Variants in CRABP1 observed in about 807,000 individuals in gnomAD.
CRABP1 encodes cellular retinoic acid binding protein 1, also known as cellular retinoic acid-binding protein 1.
In CRABP1, 9 loss-of-function variants were observed where a neutral mutation model predicts 16.4. That is an observed-to-expected ratio of 0.55 (90% confidence interval 0.33 to 0.96). CRABP1 has a LOEUF of 0.96. CRABP1 is among the 40% of genes least tolerant of loss of function. The pLI is 0.03. For missense variants in CRABP1, 157 were observed against 186.0 expected (o/e 0.84, Z 0.91); for synonymous variants, 72 against 70.4 (o/e 1.02, Z -0.11).
At chr15:78,346,002 T>C (rs2050263058) in intron 3 of CRABP1, among the ~76,000 whole-genome samples, 1 of 152,128 alleles carries the variant, frequency 6.6e-6, no homozygotes, top group Admixed American at 6.5e-5. Context: ...CCTCTAAGCA[T>C]AGTTTGCAGG....
chr15:78,340,919 G>A (rs1248689270), intron 1 of CRABP1, 124 bp from the exon 2 acceptor site: 1 of 991,318 alleles, frequency 1.0e-6, no homozygotes, highest in African/African-American at 1.6e-5. Flanking sequence ...CAAGGGCGAG[G>A]GCAGGGAAAC....
At position 78,340,407 on chromosome 15, in the gene CRABP1, T is replaced by TGCC. The variant is rs775744719; in HGVS notation, c.-12_-10dup. On this transcript the variant is annotated 5_prime_UTR_variant, in exon 1 of 4. Coordinates refer to ENST00000299529, the MANE Select transcript of CRABP1 (RefSeq NM_004378.3). ...CCGCTGCGCCGCCGCTGTCCGTACCTGCCGCCGCCGCCACCGCCACCATGC... is the reference window on the plus strand; with the variant it reads ...CCGCTGCGCCGCCGCTGTCCGTACCTGCCGCCGCCGCCGCCACCGCCACCATGC... The TGCC allele has an allele frequency of 1.9e-6, 3 of 1,577,200 alleles. No homozygotes were observed. The highest frequency in any genetic ancestry group is 1.3e-5 in the African/African-American group (1 of 74,488).
chr15:78,343,725 C>A, intron 3 of CRABP1, 113 bp downstream of exon 3: 3 of 725,574 alleles, frequency 4.1e-6, no homozygotes, highest in South Asian at 1.8e-5. Flanking sequence ...CACCATTTGC[C>A]CTGGATTAAA....
At position 78,340,511 on chromosome 15, in the gene CRABP1, A is replaced by G. The variant is rs532784055; in HGVS notation, c.70+13A>G. ...CTCAAGGCACTGGGTAAGCTGGTGC[A>G]GAGGGCGCGCCCCGACGGGGAGATG... On this transcript the variant is annotated intron_variant, in intron 1 of 3. Coordinates refer to ENST00000299529, the MANE Select transcript of CRABP1 (RefSeq NM_004378.3). 8.7e-6 allele frequency: 14 copies of G among 1,604,322 alleles called. No homozygotes were observed. In the South Asian group the frequency reaches 1.3e-4, roughly 15 times the overall value.
rs2050231657 is a variant in CRABP1 at position 78,341,181 on chromosome 15, A to G, written c.209A>G (p.Glu70Gly). ...ACTGAGATCAACTTCAAGGTCGGAGAAGGCTTTGAGGAGGAGACCGTGGAC... is the reference window on the plus strand; with the variant it reads ...ACTGAGATCAACTTCAAGGTCGGAGGAGGCTTTGAGGAGGAGACCGTGGAC... ...RTTEINFKVG[E>G]GFEEETVDGR... The change falls in exon 2 of 4, where the codon GAA becomes GGA. Residue 70 changes from glutamate to glycine, a missense_variant. Physicochemically the swap from Glu to Gly is moderately conservative, Grantham distance 98. Transcript: ENST00000299529. This position sits in a 1 kb window ranked among gnomAD's most constrained non-coding sequence, Gnocchi z 5.3. 1 of 1,612,644 alleles carries G rather than the reference A, an allele frequency of 6.2e-7. No individual in the cohort carries two copies. Among genetic ancestry groups the G allele is most frequent in the Admixed American group, 1.7e-5 (1 of 59,790 alleles).
At position 78,341,948 on chromosome 15, in the gene CRABP1, C is replaced by A. The variant is rs1256151010; in HGVS notation, c.249+727C>A. ...GTTAACCAGATGGAAAAATAATCACCGGTGCTACCACTTATTTAAAAAGTG... is the reference window on the plus strand; with the variant it reads ...GTTAACCAGATGGAAAAATAATCACAGGTGCTACCACTTATTTAAAAAGTG... On this transcript the variant is annotated intron_variant, in intron 2 of 3. Coordinates refer to ENST00000299529, the MANE Select transcript of CRABP1 (RefSeq NM_004378.3). The surrounding 1 kb of genome is among the most constrained non-coding windows in gnomAD (Gnocchi z 5.3). Among the ~76,000 whole-genome samples, 2 of 152,028 alleles carry A rather than the reference C, an allele frequency of 1.3e-5. No individual in the cohort carries two copies. The highest frequency in any genetic ancestry group is 4.8e-5 in the African/African-American group (2 of 41,382).
At chr15:78,342,372 G>A (rs189213162) in intron 2 of CRABP1, among the ~76,000 whole-genome samples, 183 of 150,242 alleles carry the variant, frequency 1.2e-3, no homozygotes, top group South Asian at 6.0e-3. Context: ...GGGTAATTCT[G>A]ATTTAAAAAA....
In CRABP1 at chr15:78,340,363, T is replaced by A; in HGVS notation, c.-66T>A. ...TGGGCGCAAAGCGCCAGTCTCCGCC[T>A]TGCGAGCTCAGAGTGTGCCCGCTGC... is the stretch of plus-strand genomic sequence containing the variant. On this transcript the variant is annotated 5_prime_UTR_variant, in exon 1 of 4. It adds an upstream start codon to the 5' untranslated region. Coordinates refer to ENST00000299529, the MANE Select transcript of CRABP1 (RefSeq NM_004378.3). 1 of 1,537,530 alleles carries A rather than the reference T, an allele frequency of 6.5e-7. No individual in the cohort carries two copies. Among genetic ancestry groups the A allele is most frequent in the Non-Finnish European group, 8.8e-7 (1 of 1,138,382 alleles).
At position 78,348,174 on chromosome 15, in the gene CRABP1, GT is replaced by G. The variant is rs1462885286; in HGVS notation, c.*200del. ...CCTCTTGTATCCCTAGTGCTCCATAGTTTGGCATTTGCACGGTTTCGAAGTC... is the reference window on the plus strand; with the variant it reads ...CCTCTTGTATCCCTAGTGCTCCATAGTTGGCATTTGCACGGTTTCGAAGTC... On this transcript the variant is annotated 3_prime_UTR_variant, in exon 4 of 4. Coordinates refer to ENST00000299529, the MANE Select transcript of CRABP1 (RefSeq NM_004378.3). The G allele has an allele frequency of 1.9e-5, 11 of 591,630 alleles. No individual in the cohort carries two copies. The highest frequency in any genetic ancestry group is 3.3e-5 in the Non-Finnish European group (11 of 334,720). 36.6% of individuals were successfully genotyped at this position (591,630 alleles called of 1,614,324 possible). A position where few individuals can be genotyped will look rare whatever the true frequency, so the allele number is the denominator to read the frequency against.
At chr15:78,340,771 G>A in intron 1 of CRABP1, 1 of 597,952 alleles carries the variant, frequency 1.7e-6, no homozygotes, top group African/African-American at 1.9e-5. Context: ...ATAGCGAGGA[G>A]AGATTACTGG....
chr15:78,347,132 GC>G (rs1426127625), intron 3 of CRABP1, among the ~76,000 whole-genome samples: 1 of 152,028 alleles, frequency 6.6e-6, no homozygotes, highest in African/African-American at 2.4e-5. Context: ...CATTTCAGGG[GC>G]CAGCAGAAAA....
At chr15:78,346,980 G>GGTTTTT (rs1421484243) in intron 3 of CRABP1, among the ~76,000 whole-genome samples, 1 of 147,228 alleles carries the variant, frequency 6.8e-6, no homozygotes, top group African/African-American at 2.7e-5. Context: ...TCTGTTTCTT[G>GGTTTTT]GTTTTTGTTT....
rs1461013393 is a variant in CRABP1 at position 78,343,707 on chromosome 15, G to A, written c.363+95G>A. ...TATGTCCTCCTCACTCGGCCGTTCA[G>A]AGAAAGACACCATTTGCCCTGGATT... On this transcript the variant is annotated intron_variant, in intron 3 of 3. Coordinates refer to ENST00000299529, the MANE Select transcript of CRABP1 (RefSeq NM_004378.3). 1.1e-5 allele frequency: 9 copies of A among 830,664 alleles called. No individual in the cohort carries two copies. In the Admixed American group the frequency reaches 1.8e-4, roughly 17 times the overall value. 51.5% of individuals were successfully genotyped at this position (830,664 alleles called of 1,614,324 possible).
intron 1 of CRABP1, 66 bp downstream of exon 1, chr15:78,340,564 G>C: frequency 6.4e-7 from 1 of 1,557,480 alleles, no homozygotes; most frequent in Non-Finnish European, 8.7e-7. Context: ...GGTCCCGGAA[G>C]TGCCCCGGTC....
Position 78,343,621 on chromosome 15 carries a change from C to A in CRABP1, c.363+9C>A, listed in dbSNP as rs371842619. ...ACGATGAACTTATCCTGGTAGGGAA[C>A]CCTTGACCCTGAAATAATCCTGAAG... On this transcript the variant is annotated intron_variant, in intron 3 of 3. Transcript: ENST00000299529. The A allele has an allele frequency of 6.5e-5, 104 of 1,611,388 alleles. No homozygotes were observed. The highest frequency in any genetic ancestry group is 8.5e-5 in the Non-Finnish European group (100 of 1,177,792).
At position 78,348,195 on chromosome 15, in the gene CRABP1, G is replaced by A. The variant is rs768256263; in HGVS notation, c.*218G>A. 17 of 576,268 alleles carry A rather than the reference G, an allele frequency of 3.0e-5. No individual in the cohort carries two copies. The highest frequency in any genetic ancestry group is 1.9e-4 in the African/African-American group (10 of 52,654). The allele number at this position is 576,268 out of a possible 1,614,324, so 35.7% of individuals were successfully genotyped here. The stretch of plus-strand genomic sequence containing the variant: ...CATAGTTTGGCATTTGCACGGTTTC[G>A]AAGTCATTAAACTGGTTAGACGTGT... On this transcript the variant is annotated 3_prime_UTR_variant, in exon 4 of 4. Coordinates refer to ENST00000299529, the MANE Select transcript of CRABP1 (RefSeq NM_004378.3).
At chr15:78,346,518 A>C (rs2050266422) in intron 3 of CRABP1, among the ~76,000 whole-genome samples, 1 of 151,990 alleles carries the variant, frequency 6.6e-6, no homozygotes, top group Admixed American at 6.5e-5. Context: ...AATACCCAAA[A>C]ATTAGCTGGG....
At chr15:78,343,116 A>G (rs1034073227) in intron 2 of CRABP1, among the ~76,000 whole-genome samples, 7 of 150,154 alleles carry the variant, frequency 4.7e-5, no homozygotes, top group Non-Finnish European at 1.0e-4. Flanking sequence ...CTCCATCTCA[A>G]AAAAAAAATG....
intron 3 of CRABP1, among the ~76,000 whole-genome samples, chr15:78,346,918 A>G (rs1283709331): frequency 6.6e-6 from 1 of 152,110 alleles, no homozygotes; most frequent in African/African-American, 2.4e-5. Flanking sequence ...TGGCACATAA[A>G]TGTACATTTG....
Sources: allele counts gnomAD v4.1 joint callset (sites outside exome capture counted in the v4.1 genomes callset), GRCh38; gene constraint gnomAD v4.1.1; non-coding constraint Gnocchi (gnomAD v3.1); transcripts MANE v1.5; gene names NCBI Gene and HGNC (gene_info 2026-07-23, HGNC 2026-07-21).